FN1: variants seen among roughly 807,000 people sequenced by gnomAD.
The protein encoded by FN1 is fibronectin 1, also known as fibronectin.
A neutral mutation model predicts 297.3 loss-of-function variants in FN1; 106 were observed. That is an observed-to-expected ratio of 0.36 (90% CI 0.30 to 0.42). FN1 has a LOEUF of 0.42. Ranked by LOEUF, FN1 falls within the 10% of genes least tolerant of loss-of-function variation. The pLI is 1.00. For missense variants in FN1, 2,690 were observed against 3,124.9 expected, an observed-to-expected ratio of 0.86 and a Z score of 3.32; for synonymous variants, 1,149 against 1,152.6, an observed-to-expected ratio of 1.00 and a Z score of 0.06.
rs749339671 is a variant in FN1, at chr2:215,419,335, A to G, written c.1726T>C (p.Trp576Arg). ...CTGACACCATGCACATACTTCTCCCATGAATCTCCAATTTGATAAAACGTC... is the reference window on the plus strand; with the variant it reads ...CTGACACCATGCACATACTTCTCCCGTGAATCTCCAATTTGATAAAACGTC... ...TGTFYQIGDSWEKYVHGVRYQ... is the reference protein window; with the variant it reads ...TGTFYQIGDSREKYVHGVRYQ... The change falls in exon 12 of 46, where the codon TGG (tryptophan) becomes CGG (arginine). Residue 576 changes from tryptophan to arginine, a missense_variant. By Grantham distance (101) the Trp-to-Arg change is moderately radical (BLOSUM62 -3). Around this residue, in one of 3 missense-constraint regions of FN1, gnomAD observed 876 missense variants for 1,058.1 expected, o/e 0.83. Transcript: ENST00000354785. 1 of 1,613,266 alleles carries G rather than the reference A, an allele frequency of 6.2e-7. No individual in the cohort carries two copies. The highest frequency in any genetic ancestry group is 8.5e-7 in the Non-Finnish European group (1 of 1,179,182).
rs775381708 is a variant in FN1 at position 215,401,301 on chromosome 2, AAAGG to A, written c.3254-1954_3254-1951del. On this transcript the variant is annotated intron_variant, in intron 20 of 45. Transcript: ENST00000354785. The stretch of plus-strand genomic sequence containing the variant: ...GGAAAGGAAGAAAAGAGAGAGAGAG[AAAGG>A]AAGGAAGGAAGGAAAGAGAAAGAAA... Among the ~76,000 whole-genome samples the A allele has an allele frequency of 8.0e-4, 117 of 147,016 alleles. 1 individual carries two copies. Among genetic ancestry groups the A allele is most frequent in the South Asian group, 1.3e-3 (6 of 4,536 alleles).
intron 6 of FN1, among the ~76,000 whole-genome samples, chr2:215,426,793 TTGAG>T (rs1216107961): frequency 1.3e-5 from 2 of 152,248 alleles, no homozygotes; most frequent in Non-Finnish European, 2.9e-5. Flanking sequence ...CTAACATTTA[TTGAG>T]TGTTTATCCC....
At chr2:215,362,119 T>C in intron 44 of FN1, 40 bp from the exon 45 acceptor site, 1 of 1,444,112 alleles carries the variant, frequency 6.9e-7, no homozygotes, top group Non-Finnish European at 9.7e-7. Context: ...GGGTTTATGA[T>C]AACCTGAGGA....
chr2:215,431,201 A>C (rs1234611697), intron 4 of FN1, among the ~76,000 whole-genome samples: 1 of 152,234 alleles, frequency 6.6e-6, no homozygotes, highest in Non-Finnish European at 1.5e-5. Flanking sequence ...CTTAATTATA[A>C]ATGACCAATT....
rs759563467 is a variant in FN1 at position 215,378,220 on chromosome 2, T to C, written c.5665A>G (p.Thr1889Ala). The C allele has an allele frequency of 1.2e-6, 2 of 1,612,758 alleles. No individual in the cohort carries two copies. The highest frequency in any genetic ancestry group is 2.2e-5 in the East Asian group (1 of 44,860). The stretch of plus-strand genomic sequence containing the variant: ...CCCTGAGCTGGTCTGCTTGTCAAAG[T>C]GTCCTTAAGAGCATAGACACTCACT... Reference protein sequence around the residue: ...YEVSVYALKDTLTSRPAQGVV... With the variant: ...YEVSVYALKDALTSRPAQGVV... The change falls in exon 35 of 46, where the codon ACT becomes GCT. Residue 1889 changes from threonine to alanine, a missense_variant. Coordinates refer to ENST00000354785, the MANE Select transcript of FN1 (RefSeq NM_212482.4).
rs2059826431 is a variant in FN1, at chr2:215,392,573, TA to T, written c.4069+357del. The T allele has an allele frequency of 1.3e-5, 4 of 314,830 alleles. No individual in the cohort carries two copies. The East Asian group carries it at 3.3e-4, about 26-fold the overall frequency. The allele number at this position is 314,830 out of a possible 1,614,324, so 19.5% of individuals were successfully genotyped here. On this transcript the variant is annotated intron_variant, in intron 25 of 45. Coordinates refer to ENST00000354785, the MANE Select transcript of FN1 (RefSeq NM_212482.4). ...TGGTACATTTTGGTGATATATTTCT[TA>T]TAATTAATTGGTACTTACGCAATTT... is the stretch of plus-strand genomic sequence containing the variant.
At chr2:215,396,623 G>A (rs188550282) in intron 23 of FN1, among the ~76,000 whole-genome samples, 2 of 152,210 alleles carry the variant, frequency 1.3e-5, no homozygotes, top group East Asian at 3.9e-4. Context: ...CATTTAAAAT[G>A]TGTGACTATG....
intron 41 of FN1, among the ~76,000 whole-genome samples, chr2:215,369,160 A>G (rs2055296955): frequency 6.6e-6 from 1 of 151,940 alleles, no homozygotes; most frequent in African/African-American, 2.4e-5. Context: ...TTCTATACTC[A>G]AAAGAGCCAG....
chr2:215,381,157 G>T, intron 32 of FN1, 77 bp from the exon 33 acceptor site: 1 of 1,429,912 alleles, frequency 7.0e-7, no homozygotes, highest in Non-Finnish European at 9.8e-7. Context: ...ATGCAAAGCA[G>T]TTTTGCAGAT....
Position 215,391,634 on chromosome 2 carries a change from G to T in FN1, c.4250C>A (p.Thr1417Lys). 6.2e-7 allele frequency: 1 copy of T among 1,612,068 alleles called. No individual in the cohort carries two copies. Among genetic ancestry groups the T allele is most frequent in the Non-Finnish European group, 8.5e-7 (1 of 1,178,166 alleles). Residue 1417 changes from threonine to lysine, a missense_variant and splice_region_variant, in exon 26 of 46, where the codon ACA becomes AAA. By Grantham distance (78) the Thr-to-Lys change is moderately conservative (BLOSUM62 -1). Transcript: ENST00000354785. ...AACAGATACATTCAACTGCTTACTTGTTAAGACCACTGCATTGTCTGAAGG... is the reference window on the plus strand; with the variant it reads ...AACAGATACATTCAACTGCTTACTTTTTAAGACCACTGCATTGTCTGAAGG... Reference protein sequence around the residue: ...ISPSDNAVVLTNLLPGTEYVV... With the variant: ...ISPSDNAVVLKNLLPGTEYVV...
intron 35 of FN1, among the ~76,000 whole-genome samples, chr2:215,377,469 C>T (rs192892657): frequency 2.0e-5 from 3 of 151,954 alleles, no homozygotes; most frequent in South Asian, 2.1e-4. Flanking sequence ...TCCTCCCCCC[C>T]CAACTCTCTC....
intron 20 of FN1, among the ~76,000 whole-genome samples, chr2:215,402,923 A>G (rs947187580): frequency 2.6e-5 from 4 of 152,226 alleles, no homozygotes; most frequent in African/African-American, 7.2e-5. Flanking sequence ...ATCATTAAAA[A>G]TGCTTTTTCT....
At chr2:215,407,684 T>C (rs911298093) in intron 17 of FN1, among the ~76,000 whole-genome samples, 2 of 152,200 alleles carry the variant, frequency 1.3e-5, no homozygotes, top group African/African-American at 2.4e-5. Context: ...CAGAGTTGTC[T>C]AGCACTGTGT....
chr2:215,423,551 G>C, intron 8 of FN1, 25 bp from the exon 9 acceptor site: 1 of 1,610,424 alleles, frequency 6.2e-7, no homozygotes, highest in Non-Finnish European at 8.5e-7. Flanking sequence ...ACACAACAAA[G>C]AAGGAAAAGA....
chr2:215,435,481 C>T (rs2067305005), intron 1 of FN1, among the ~76,000 whole-genome samples, 174 bp downstream of exon 1: 1 of 152,168 alleles, frequency 6.6e-6, no homozygotes, highest in African/African-American at 2.4e-5. Context: ...CATCCCAGGC[C>T]CTCAGAACCA....
chr2:215,408,265 A>C lies in FN1; in HGVS notation c.2428+33T>G, dbSNP rs1031498818. 11 of 1,614,078 alleles carry C rather than the reference A, an allele frequency of 6.8e-6. No homozygotes were observed. The African/African-American group carries it at 1.5e-4, about 22-fold the overall frequency. On this transcript the variant is annotated intron_variant, in intron 16 of 45. Transcript: ENST00000354785. ...CTACAGGCCTGTGTTTTACAGAAAAAGATTCTTTTAACACTATGTAGCACA... is the reference window on the plus strand; with the variant it reads ...CTACAGGCCTGTGTTTTACAGAAAACGATTCTTTTAACACTATGTAGCACA...
At position 215,389,539 on chromosome 2, in the gene FN1, G is replaced by C. The variant is rs370157372; in HGVS notation, c.4253-1238C>G. Among the ~76,000 whole-genome samples, 3 of 152,192 alleles carry C rather than the reference G, an allele frequency of 2.0e-5. 1 individual carries two copies. The highest frequency in any genetic ancestry group is 7.2e-5 in the African/African-American group (3 of 41,530). ...AAACCTAGATGGGCTTGTAATCCCA[G>C]CACTTTGGGAGGCCGAGGAGGGTGG... On this transcript the variant is annotated intron_variant, in intron 26 of 45. Coordinates refer to ENST00000354785, the MANE Select transcript of FN1 (RefSeq NM_212482.4).
At chr2:215,364,212 A>G (rs549552806) in intron 44 of FN1, among the ~76,000 whole-genome samples, 1 of 152,324 alleles carries the variant, frequency 6.6e-6, no homozygotes, top group South Asian at 2.1e-4. Context: ...TGTTTTTCCT[A>G]TACTACTTAG....
rs574740751 is a variant in FN1, at chr2:215,389,876, A to G, written c.4253-1575T>C. ...AGCTATAAGCTATGTGGTCTAGCCT[A>G]TTGCTCCTAGGCTATGAGCCTGTGC... On this transcript the variant is annotated intron_variant, in intron 26 of 45. Transcript: ENST00000354785. 2.0e-5 allele frequency among the ~76,000 whole-genome samples: 3 copies of G among 152,346 alleles called. 1 individual carries two copies. Among genetic ancestry groups the G allele is most frequent in the African/African-American group, 7.2e-5 (3 of 41,592 alleles).
Sources: gnomAD v4.1 joint callset for allele counts (sites outside exome capture counted in the v4.1 genomes callset) on GRCh38, gnomAD v4.1.1 for gene constraint, gnomAD v4.1.1 regional missense constraint, MANE v1.5 for transcripts, NCBI Gene and HGNC (gene_info 2026-07-23, HGNC 2026-07-21) for gene names.